Variants in ERBB2 observed in about 807,000 individuals in gnomAD.
ERBB2 encodes the protein erb-b2 receptor tyrosine kinase 2.
In ERBB2, 61 loss-of-function variants were observed where a neutral mutation model predicts 149.0. The ratio of observed to expected loss-of-function variants is 0.41; its 90% CI spans 0.33 to 0.51. ERBB2 has a LOEUF of 0.51. Ranked by LOEUF, ERBB2 falls within the 20% of genes least tolerant of loss-of-function variation. ERBB2 has a pLI of 0.25. For missense variants in ERBB2, 1,205 were observed against 1,655.1 expected (o/e 0.73, Z 4.72); for synonymous variants, 633 against 678.8 (o/e 0.93, Z 1.05).
At position 39,716,554 on chromosome 17, in the gene ERBB2, G is replaced by T. The variant is rs4252635; in HGVS notation, c.1686G>T (p.Pro562=). ...ATGTGAATGCCAGGCACTGTTTGCC[G>T]TGCCACCCTGAGTGTCAGCCCCAGA... is the stretch of plus-strand genomic sequence containing the variant. ...REYVNARHCL[P]CHPECQPQNG... The change falls in exon 14 of 27, where the codon CCG becomes CCT. Residue 562 remains proline, a synonymous_variant. Transcript: ENST00000269571. The T allele has an allele frequency of 1.2e-6, 2 of 1,614,048 alleles. No individual in the cohort carries two copies. The highest frequency in any genetic ancestry group is 1.3e-5 in the African/African-American group (1 of 74,930).
chr17:39,712,609 TG>T (rs2145585847), intron 9 of ERBB2, among the ~76,000 whole-genome samples, 161 bp downstream of exon 9: 1 of 152,114 alleles, frequency 6.6e-6, no homozygotes, highest in South Asian at 2.1e-4. Flanking sequence ...CTTTGGTGGG[TG>T]GGGGTGATTA....
Position 39,723,806 on chromosome 17 carries a change from G to A in ERBB2, c.2209-106G>A, listed in dbSNP as rs907327018. On this transcript the variant is annotated intron_variant, in intron 18 of 26. Coordinates refer to ENST00000269571, the MANE Select transcript of ERBB2 (RefSeq NM_004448.4). This position sits in a 1 kb window ranked among gnomAD's most constrained non-coding sequence, Gnocchi z 6.2. ...ACAGCGGAGAAGGGAGCGGGGCCAA[G>A]CCCTAGGGTGGTGAAGGATGTTTGG... 5 of 1,490,768 alleles carry A rather than the reference G, an allele frequency of 3.4e-6. No individual in the cohort carries two copies. In the East Asian group the frequency reaches 6.9e-5, roughly 20 times the overall value. The allele number at this position is 1,490,768 out of a possible 1,614,324, so 92.3% of individuals were successfully genotyped here.
upstream of ERBB2, among the ~76,000 whole-genome samples, chr17:39,694,288 T>TATATACAC (rs1463644286): frequency 1.3e-4 from 8 of 60,724 alleles, no homozygotes; most frequent in Non-Finnish European, 1.3e-4. Flanking sequence ...TATATATATA[T>TATATACAC]ACACATATAT....
rs745450987 is a variant in ERBB2, at chr17:39,712,473, G to A, written c.1148+25G>A. The A allele has an allele frequency of 2.5e-6, 4 of 1,611,316 alleles. No individual in the cohort carries two copies. The Admixed American group carries it at 5.0e-5, about 20-fold the overall frequency. On this transcript the variant is annotated intron_variant, in intron 9 of 26. Coordinates refer to ENST00000269571, the MANE Select transcript of ERBB2 (RefSeq NM_004448.4). ...GGTAAGAGTGGGCACGATGACCTGA[G>A]ACAGTGTCAGGGCAGACAGAGTCCT...
chr17:39,715,938 T>C lies in ERBB2; in HGVS notation c.1512T>C (p.Cys504=). Residue 504 remains cysteine (C), a splice_region_variant and synonymous_variant, in exon 12 of 27, where the codon TGT becomes TGC. Coordinates refer to ENST00000269571, the MANE Select transcript of ERBB2 (RefSeq NM_004448.4). ...CTGCCAACCGGCCAGAGGACGAGTG[T>C]GGTAAGACAGGGAGCCCAGTGTGCG... ...LHTANRPEDE[C]VGEGLACHQL... is the part of the protein sequence containing the mutation. 6.2e-7 allele frequency: 1 copy of C among 1,608,122 alleles called. No homozygotes were observed. The highest frequency in any genetic ancestry group is 8.5e-7 in the Non-Finnish European group (1 of 1,179,878).
Position 39,723,208 on chromosome 17 carries a change from C to CCT in ERBB2, c.1947-111_1947-110insCT. 8.6e-7 allele frequency: 1 copy of CCT among 1,167,156 alleles called. No individual in the cohort carries two copies. Among genetic ancestry groups the CCT allele is most frequent in the African/African-American group, 1.5e-5 (1 of 65,916 alleles). The allele number at this position is 1,167,156 out of a possible 1,614,324, so 72.3% of individuals were successfully genotyped here. On this transcript the variant is annotated intron_variant, in intron 16 of 26. Transcript: ENST00000269571. This position sits in a 1 kb window ranked among gnomAD's most constrained non-coding sequence, Gnocchi z 6.2. ...AGAGGGTCCAAGCCTGTGGGTCACCCTTCCGACTTCCCTTTCCGAATGCCA... is the reference window on the plus strand; with the variant it reads ...AGAGGGTCCAAGCCTGTGGGTCACCCCTTTCCGACTTCCCTTTCCGAATGCCA...
At chr17:39,724,050 G>A (rs2145829899) in intron 19 of ERBB2, 40 bp downstream of exon 19, 3 of 1,466,612 alleles carry the variant, frequency 2.0e-6, no homozygotes, top group Non-Finnish European at 2.8e-6. Context: ...GGACAGGAAG[G>A]ACCCCATGGC....
At chr17:39,699,636 G>A, upstream of ERBB2, 1 of 1,143,372 alleles carries the variant, frequency 8.7e-7, no homozygotes, top group Non-Finnish European at 1.3e-6. Flanking sequence ...ACTAGAGGAT[G>A]TGGTGGGAAA....
At chr17:39,698,776 T>C (rs1203052216), upstream of ERBB2, among the ~76,000 whole-genome samples, 1 of 152,138 alleles carries the variant, frequency 6.6e-6, no homozygotes, top group Non-Finnish European at 1.5e-5. Flanking sequence ...CATTCTCCAG[T>C]CCCTGATAGG....
intron 16 of ERBB2, chr17:39,720,092 GAC>G: frequency 2.0e-6 from 1 of 497,266 alleles, no homozygotes; most frequent in East Asian, 3.5e-5. Flanking sequence ...CCTTGTGAGG[GAC>G]ACAGGCAAAG....
intron 11 of ERBB2, 55 bp downstream of exon 11, chr17:39,715,591 T>A (rs1453721765): frequency 2.5e-6 from 4 of 1,578,550 alleles, no homozygotes; most frequent in Non-Finnish European, 3.5e-6. Flanking sequence ...GAGGAGTCCC[T>A]GTGGGAAGCT....
At chr17:39,699,113 G>A (rs1199133469), upstream of ERBB2, among the ~76,000 whole-genome samples, 3 of 152,176 alleles carry the variant, frequency 2.0e-5, no homozygotes, top group East Asian at 1.9e-4. Context: ...TGCATTGGGT[G>A]CTGGGTGCCT....
At chr17:39,716,716 C>A in intron 14 of ERBB2, 111 bp downstream of exon 14, 2 of 967,508 alleles carry the variant, frequency 2.1e-6, no homozygotes, top group Non-Finnish European at 3.2e-6. Flanking sequence ...TAAAATATCC[C>A]TGGAGAGGGC....
At chr17:39,700,463 C>A in intron 1 of ERBB2, 152 bp downstream of exon 1, 1 of 596,678 alleles carries the variant, frequency 1.7e-6, no homozygotes, top group Non-Finnish European at 2.4e-6. Context: ...GGCAGCCGGG[C>A]CCTGGGGCCC....
chr17:39,708,162 G>A (rs548970738), intron 2 of ERBB2, 159 bp from the exon 3 acceptor site: 12 of 585,002 alleles, frequency 2.1e-5, no homozygotes, highest in African/African-American at 1.3e-4. Flanking sequence ...AAGGTAGGGC[G>A]TGATCTTTAT....
chr17:39,690,075 T>A (rs2057661752), upstream of ERBB2, among the ~76,000 whole-genome samples: 1 of 152,164 alleles, frequency 6.6e-6, no homozygotes, highest in African/African-American at 2.4e-5. Flanking sequence ...TACATTTATA[T>A]ACATTTAGTT....
At chr17:39,705,220 A>G (rs557312709) in intron 1 of ERBB2, among the ~76,000 whole-genome samples, 1 of 151,942 alleles carries the variant, frequency 6.6e-6, no homozygotes, top group Non-Finnish European at 1.5e-5. Context: ...TTGTTTTCCT[A>G]TTGCCTGGCG....
rs71149796 is a variant in ERBB2 at position 39,724,272 on chromosome 17, A to ATTTTTTTTTTTTTTTTTTTTTTTTTTT, written c.2307+278_2307+279insTTTTTTTTTTTTTTTTTTTTTTTTTTT. Among the ~76,000 whole-genome samples the ATTTTTTTTTTTTTTTTTTTTTTTTTTT allele has an allele frequency of 6.6e-4, 51 of 76,990 alleles. 13 individuals are homozygous for ATTTTTTTTTTTTTTTTTTTTTTTTTTT. The highest frequency in any genetic ancestry group is 7.3e-4 in the African/African-American group (16 of 21,948). The allele number at this position is 76,990 out of a possible 152,430, so 50.5% of individuals were successfully genotyped here. On this transcript the variant is annotated intron_variant, in intron 19 of 26. Transcript: ENST00000269571. ...TAGCTGGGATTACAAGCGCCCGCTA[A>ATTTTTTTTTTTTTTTTTTTTTTTTTTT]TTTTTTTTTTTTTTTTGAGACAGAG...
chr17:39,708,870 C>T (rs2058624564), intron 3 of ERBB2, among the ~76,000 whole-genome samples: 1 of 152,152 alleles, frequency 6.6e-6, no homozygotes, highest in Non-Finnish European at 1.5e-5. Flanking sequence ...GTGCTTTGCC[C>T]GCATGGCCCA....
Sources: gnomAD v4.1 joint callset for allele counts (sites outside exome capture counted in the v4.1 genomes callset) on GRCh38, gnomAD v4.1.1 for gene constraint, Gnocchi (gnomAD v3.1) non-coding constraint, MANE v1.5 for transcripts, NCBI Gene and HGNC (gene_info 2026-07-23, HGNC 2026-07-21) for gene names.